CFDP1: variants seen among roughly 807,000 people sequenced by gnomAD.
CFDP1 encodes heterochromatin-stabilizing protein CFDP1.
Under a neutral mutation model 40.1 loss-of-function variants are expected in CFDP1, and 31 were observed. The observed-to-expected ratio is 0.77, with a 90% CI of 0.58 to 1.04. The LOEUF (loss-of-function observed/expected upper bound fraction) is 1.04, where lower values mean the gene tolerates loss of function less well. CFDP1 is among the 50% of genes least tolerant of loss of function. CFDP1 has a pLI of 0.00. For missense variants in CFDP1, 423 were observed against 343.4 expected (o/e 1.23, Z -1.83); for synonymous variants, 167 against 120.0 (o/e 1.39, Z -2.56).
intron 5 of CFDP1, among the ~76,000 whole-genome samples, chr16:75,358,641 T>C (rs767119094): frequency 6.6e-6 from 1 of 152,238 alleles, no homozygotes; most frequent in East Asian, 1.9e-4. Context: ...GAACACCATT[T>C]TTACCTGAAA....
intron 1 of CFDP1, among the ~76,000 whole-genome samples, chr16:75,423,844 C>T (rs1323308978): frequency 2.6e-5 from 4 of 152,122 alleles, no homozygotes; most frequent in South Asian, 2.1e-4. Flanking sequence ...GGATTACAGG[C>T]GTGAGCAACT....
intron 5 of CFDP1, among the ~76,000 whole-genome samples, chr16:75,366,495 C>T (rs1408398330): frequency 1.3e-5 from 2 of 152,018 alleles, no homozygotes; most frequent in African/African-American, 4.8e-5. Context: ...TGGTGGCACA[C>T]GCCTGTAATC....
At chr16:75,382,253 TCC>T (rs2078858900) in intron 5 of CFDP1, among the ~76,000 whole-genome samples, 3 of 152,184 alleles carry the variant, frequency 2.0e-5, no homozygotes, top group Admixed American at 2.0e-4. Context: ...CCAACTAATT[TCC>T]TGAGTGATTG....
chr16:75,377,362 C>T (rs1292326590), intron 5 of CFDP1, among the ~76,000 whole-genome samples: 2 of 152,186 alleles, frequency 1.3e-5, no homozygotes, highest in African/African-American at 4.8e-5. Flanking sequence ...AAATGCTCTC[C>T]ATCATTCTTC....
At chr16:75,297,152 G>C (rs2078188596) in intron 6 of CFDP1, among the ~76,000 whole-genome samples, 1 of 141,628 alleles carries the variant, frequency 7.1e-6, no homozygotes, top group African/African-American at 2.7e-5. Flanking sequence ...TTTCTTGTGT[G>C]TGTGTGTGTG....
At chr16:75,422,173 C>T (rs920667070) in intron 1 of CFDP1, among the ~76,000 whole-genome samples, 34 of 151,948 alleles carry the variant, frequency 2.2e-4, no homozygotes, top group African/African-American at 7.7e-4. Flanking sequence ...CTCGGCTCAC[C>T]GCAACCTCTG....
intron 5 of CFDP1, among the ~76,000 whole-genome samples, chr16:75,334,286 T>C (rs1318468237): frequency 6.6e-6 from 1 of 151,792 alleles, no homozygotes; most frequent in Non-Finnish European, 1.5e-5. Context: ...CTGTAATGAA[T>C]TAATCCCAAC....
intron 6 of CFDP1, among the ~76,000 whole-genome samples, chr16:75,303,365 C>CTAAATAAATAAA (rs576854066): frequency 7.6e-4 from 103 of 136,180 alleles, no homozygotes; most frequent in African/African-American, 2.6e-3. Context: ...GACTCCATCT[C>CTAAATAAATAAA]TAAATAAATA....
intron 5 of CFDP1, among the ~76,000 whole-genome samples, chr16:75,393,334 A>G (rs1490596740): frequency 2.6e-5 from 4 of 152,106 alleles, no homozygotes. Context: ...AATGACATGC[A>G]CTTAAACCTT....
chr16:75,313,908 G>A (rs976926048), intron 5 of CFDP1, among the ~76,000 whole-genome samples: 4 of 151,552 alleles, frequency 2.6e-5, no homozygotes, highest in Admixed American at 6.6e-5. Context: ...TTTTTTAGAC[G>A]GAGCCTTGCT....
At chr16:75,409,463 T>A (rs1420281499) in intron 4 of CFDP1, 1 of 152,202 alleles carries the variant, frequency 6.6e-6, no homozygotes, top group African/African-American at 2.4e-5. Flanking sequence ...ATCTGTCGAA[T>A]CTTAGTAAAA....
chr16:75,423,566 G>A (rs1471435893), intron 1 of CFDP1, among the ~76,000 whole-genome samples: 6 of 152,046 alleles, frequency 3.9e-5, no homozygotes, highest in East Asian at 3.9e-4. Context: ...CCAGGCTGGA[G>A]AGCAGTGGTG....
intron 5 of CFDP1, among the ~76,000 whole-genome samples, chr16:75,390,951 A>G (rs2078944169): frequency 6.6e-6 from 1 of 152,204 alleles, no homozygotes; most frequent in Admixed American, 6.5e-5. Flanking sequence ...CATATTTGAG[A>G]ATGCCATCTG....
intron 1 of CFDP1, among the ~76,000 whole-genome samples, chr16:75,432,293 T>G (rs1202800317): frequency 2.1e-5 from 3 of 144,020 alleles, no homozygotes; most frequent in Admixed American, 7.3e-5. Flanking sequence ...CCCAGCACTT[T>G]GGGTGGCTGA....
intron 5 of CFDP1, among the ~76,000 whole-genome samples, chr16:75,334,709 C>T (rs1490150350): frequency 6.6e-6 from 1 of 152,204 alleles, no homozygotes; most frequent in South Asian, 2.1e-4. Flanking sequence ...AATTGCAGCA[C>T]TTTGGGAGGC....
At chr16:75,420,344 T>C (rs2079264151) in intron 1 of CFDP1, among the ~76,000 whole-genome samples, 1 of 152,286 alleles carries the variant, frequency 6.6e-6, no homozygotes, top group Admixed American at 6.5e-5. Context: ...TAATGCATTC[T>C]GGCCAAAGTA....
chr16:75,353,066 C>T (rs1415747402), intron 5 of CFDP1, among the ~76,000 whole-genome samples: 2 of 151,122 alleles, frequency 1.3e-5, no homozygotes, highest in Non-Finnish European at 2.9e-5. Context: ...TCAGTTTCTT[C>T]AGCTCAGTTT....
At chr16:75,317,044 G>C (rs1420484706) in intron 5 of CFDP1, among the ~76,000 whole-genome samples, 2 of 152,142 alleles carry the variant, frequency 1.3e-5, no homozygotes, top group African/African-American at 4.8e-5. Flanking sequence ...CAGTTAACTA[G>C]AGAAAAGGCA....
Position 75,356,915 on chromosome 16 carries a change from T to TC in CFDP1, c.650+38174_650+38175insG, listed in dbSNP as rs1370714161. Among the ~76,000 whole-genome samples the TC allele has an allele frequency of 4.5e-3, 652 of 145,586 alleles. 7 individuals carry two copies. Among genetic ancestry groups the TC allele is most frequent in the African/African-American group, 0.016 (624 of 38,218 alleles). ...ATGGAAACAGCTGCTTTCTTTCTTT[T>TC]TTTTTTTTTTTTTTTTGAGACAGAG... On this transcript the variant is annotated intron_variant, in intron 5 of 6. Transcript: ENST00000283882.
Sources: gnomAD v4.1 joint callset for allele counts (sites outside exome capture counted in the v4.1 genomes callset) on GRCh38, gnomAD v4.1.1 for gene constraint, MANE v1.5 for transcripts, NCBI Gene and HGNC (gene_info 2026-07-23, HGNC 2026-07-21) for gene names.